Variants in RNASEL observed in about 807,000 individuals in gnomAD.
The protein encoded by RNASEL is 2-5A-dependent ribonuclease.
A neutral mutation model predicts 50.9 loss-of-function variants in RNASEL; 36 were observed. The observed-to-expected ratio is 0.71, with a 90% CI of 0.54 to 0.93. The LOEUF (loss-of-function observed/expected upper bound fraction) is 0.93, where lower values mean the gene tolerates loss of function less well. RNASEL is among the 40% of genes least tolerant of loss of function. The pLI is 0.00. For synonymous variants in RNASEL, 335 were observed against 335.6 expected, an observed-to-expected ratio of 1.00 and a Z score of 0.02; for missense variants, 860 against 894.5, an observed-to-expected ratio of 0.96 and a Z score of 0.49.
At position 182,576,363 on chromosome 1, in the gene RNASEL, C is replaced by A; in HGVS notation, c.1932G>T (p.Met644Ile). 6.3e-7 allele frequency: 1 copy of A among 1,588,054 alleles called. No individual in the cohort carries two copies. The highest frequency in any genetic ancestry group is 8.6e-7 in the Non-Finnish European group (1 of 1,158,306). Residue 644 changes from methionine to isoleucine, a missense_variant, in exon 6 of 7, where the codon ATG becomes ATT. By Grantham distance (10) the Met-to-Ile change is conservative. Transcript: ENST00000367559. The stretch of plus-strand genomic sequence containing the variant: ...TGCCTCTTTTTTCATAAAACTTATT[C>A]ATTTTTTTCATAACACATTCATTAA... ...TKINECVMKK[M>I]NKFYEKRGNF... is the part of the protein sequence containing the mutation.
chr1:182,575,227 CT>C lies in RNASEL; in HGVS notation c.*164del. On this transcript the variant is annotated 3_prime_UTR_variant, in exon 7 of 7. Coordinates refer to ENST00000367559, the MANE Select transcript of RNASEL (RefSeq NM_021133.4). Reference sequence around the variant, plus strand: ...ACTAGTGTAGTCTGGGTATATATTGCTTTTGTTATAGACATATGGAATACAC... The same window carrying C: ...ACTAGTGTAGTCTGGGTATATATTGCTTTGTTATAGACATATGGAATACAC... 1 of 691,808 alleles carries C rather than the reference CT, an allele frequency of 1.4e-6. No individual in the cohort carries two copies. The highest frequency in any genetic ancestry group is 2.6e-6 in the Non-Finnish European group (1 of 389,308). 42.9% of individuals were successfully genotyped at this position (691,808 alleles called of 1,614,324 possible).
At chr1:182,578,191 C>G (rs929367530) in intron 5 of RNASEL, 1 of 152,094 alleles carries the variant, frequency 6.6e-6, no homozygotes, top group Non-Finnish European at 1.5e-5. Flanking sequence ...AGTGAACAAA[C>G]AACCTGCAGC....
At chr1:182,584,017 T>A (rs1055556393) in intron 3 of RNASEL, 64 bp downstream of exon 3, 2 of 1,216,978 alleles carry the variant, frequency 1.6e-6, no homozygotes, top group Non-Finnish European at 2.4e-6. Context: ...TAGAGAACCC[T>A]GACTACTACA....
Position 182,586,276 on chromosome 1 carries a change from T to C in RNASEL, c.531A>G (p.Glu177=). 1 of 1,614,216 alleles carries C rather than the reference T, an allele frequency of 6.2e-7. No individual in the cohort carries two copies. Among genetic ancestry groups the C allele is most frequent in the South Asian group, 1.1e-5 (1 of 91,086 alleles). Residue 177 remains glutamate (E), a synonymous_variant, in exon 2 of 7, where the codon GAA becomes GAG. Transcript: ENST00000367559. Reference sequence around the variant, plus strand: ...TCTTCAAGACCTCTACGTGTCCTTTTTCAGCAGCGTCCATGAGAGCTGTGG... The same window carrying C: ...TCTTCAAGACCTCTACGTGTCCTTTCTCAGCAGCGTCCATGAGAGCTGTGG... ...GGATALMDAA[E]KGHVEVLKIL...
At chr1:182,579,895 T>G in intron 5 of RNASEL, 3 of 479,670 alleles carry the variant, frequency 6.3e-6, no homozygotes, top group Admixed American at 4.7e-5. Flanking sequence ...TGTAGTGGTG[T>G]GGCTTAAGCA....
In RNASEL at chr1:182,576,300, G is replaced by A; in HGVS notation, c.1995C>T (p.Phe665=). The A allele has an allele frequency of 6.2e-7, 1 of 1,612,334 alleles. No homozygotes were observed. Among genetic ancestry groups the A allele is most frequent in the Non-Finnish European group, 8.5e-7 (1 of 1,179,050 alleles). ...CAATGTGTTCTCCCAAATTCCGGAT[G>A]AACTTTAGCAGATCACCCACAGTGT... ...YQNTVGDLLK[F]IRNLGEHIDE... Residue 665 remains phenylalanine, a synonymous_variant, in exon 6 of 7, where the codon TTC becomes TTT. Coordinates refer to ENST00000367559, the MANE Select transcript of RNASEL (RefSeq NM_021133.4).
chr1:182,587,799 G>C (rs898310227), intron 1 of RNASEL, among the ~76,000 whole-genome samples: 11 of 151,992 alleles, frequency 7.2e-5, no homozygotes, highest in Non-Finnish European at 1.3e-4. Flanking sequence ...GTACAACCCT[G>C]TGCCCCTATT....
intron 2 of RNASEL, 55 bp from the exon 3 acceptor site, chr1:182,584,221 A>G (rs1661551166): frequency 3.5e-6 from 4 of 1,127,054 alleles, no homozygotes; most frequent in Non-Finnish European, 5.4e-6. Context: ...ATAAAGTGAG[A>G]GTCAATTGAT....
At chr1:182,576,194 A>C in intron 6 of RNASEL, 62 bp downstream of exon 6, 1 of 1,539,244 alleles carries the variant, frequency 6.5e-7, no homozygotes, top group East Asian at 2.3e-5. Flanking sequence ...TAAACTTAGA[A>C]TTGGATTTTT....
chr1:182,585,365 T>G lies in RNASEL; in HGVS notation c.1442A>C (p.Tyr481Ser). ...TTGTGGTTGCAGATCCTGGTGGGTGTATCCACAGGACAAGTGTAGTTCTTG... is the reference window on the plus strand; with the variant it reads ...TTGTGGTTGCAGATCCTGGTGGGTGGATCCACAGGACAAGTGTAGTTCTTG... ...AVQELHLSCG[Y>S]THQDLQPQNI... Residue 481 changes from tyrosine to serine, a missense_variant, in exon 2 of 7, where the codon TAC (tyrosine) becomes TCC (serine). By Grantham distance (144) the Tyr-to-Ser change is moderately radical. Transcript: ENST00000367559. 6.2e-7 allele frequency: 1 copy of G among 1,614,126 alleles called. No homozygotes were observed. The highest frequency in any genetic ancestry group is 8.5e-7 in the Non-Finnish European group (1 of 1,179,970).
intron 2 of RNASEL, 130 bp downstream of exon 2, chr1:182,585,197 T>C (rs2102369611): frequency 1.1e-6 from 1 of 911,788 alleles, no homozygotes; most frequent in Admixed American, 2.3e-5. Flanking sequence ...ATGAATTTGT[T>C]GTAATAATGA....
intron 3 of RNASEL, among the ~76,000 whole-genome samples, chr1:182,583,403 A>G (rs1216063690): frequency 3.3e-5 from 5 of 152,178 alleles, no homozygotes; most frequent in Non-Finnish European, 5.9e-5. Context: ...AAAGCCTTGA[A>G]CATTCTTTTT....
rs1337684895 is a variant in RNASEL, at chr1:182,576,274, T to A, written c.2021A>T (p.Asp674Val). ...TACTTACTTTTTATGCTTTTCTTCATCAATGTGTTCTCCCAAATTCCGGAT... is the reference window on the plus strand; with the variant it reads ...TACTTACTTTTTATGCTTTTCTTCAACAATGTGTTCTCCCAAATTCCGGAT... ...KFIRNLGEHIDEEKHKKMKLK... is the reference protein window; with the variant it reads ...KFIRNLGEHIVEEKHKKMKLK... Residue 674 changes from aspartate to valine, a missense_variant, in exon 6 of 7, where the codon GAT (aspartate) becomes GTT (valine). Asp to Val is a radical substitution (Grantham distance 152). Transcript: ENST00000367559. 8 of 1,612,040 alleles carry A rather than the reference T, an allele frequency of 5.0e-6. No individual in the cohort carries two copies. The highest frequency in any genetic ancestry group is 6.8e-6 in the Non-Finnish European group (8 of 1,178,798).
intron 4 of RNASEL, 114 bp from the exon 5 acceptor site, chr1:182,581,471 T>G: frequency 1.0e-6 from 1 of 971,228 alleles, no homozygotes; most frequent in South Asian, 1.6e-5. Context: ...TGGTTTTTCT[T>G]TCTTTTTTTT....
intron 5 of RNASEL, among the ~76,000 whole-genome samples, chr1:182,577,554 C>T (rs1036378442): frequency 2.6e-5 from 4 of 151,892 alleles, no homozygotes; most frequent in Non-Finnish European, 4.4e-5. Flanking sequence ...GTGATCACCC[C>T]GCCCAAAGCA....
chr1:182,587,355 A>AT (rs1422240399), intron 1 of RNASEL, among the ~76,000 whole-genome samples: 2 of 152,032 alleles, frequency 1.3e-5, no homozygotes, highest in Admixed American at 1.3e-4. Flanking sequence ...TCATTTCTCT[A>AT]TTACTGAGTG....
At chr1:182,584,227 T>C in intron 2 of RNASEL, 61 bp from the exon 3 acceptor site, 3 of 1,049,050 alleles carry the variant, frequency 2.9e-6, no homozygotes, top group Non-Finnish European at 3.0e-6. Flanking sequence ...TGAGAGTCAA[T>C]TGATTTATAT....
intron 5 of RNASEL, chr1:182,579,265 C>T (rs948748568): frequency 2.0e-6 from 2 of 985,576 alleles, no homozygotes; most frequent in Non-Finnish European, 1.2e-6. Context: ...CTGCAGGTGT[C>T]CCAGGGCAAC....
rs1297724785 is a variant in RNASEL at position 182,574,535 on chromosome 1, G to GT, written c.*856dup. ...AAAGCATCCCAGCCCCTTAAGTCAG[G>GT]TTTTCTCAACCTCAGCACCATTGAT... is the stretch of plus-strand genomic sequence containing the variant. On this transcript the variant is annotated 3_prime_UTR_variant, in exon 7 of 7. Coordinates refer to ENST00000367559, the MANE Select transcript of RNASEL (RefSeq NM_021133.4). The GT allele has an allele frequency of 8.6e-6, 2 of 232,448 alleles. No homozygotes were observed. The highest frequency in any genetic ancestry group is 1.2e-4 in the East Asian group (2 of 16,448). The allele number at this position is 232,448 out of a possible 1,614,324, so 14.4% of individuals were successfully genotyped here.
Sources: gnomAD v4.1 joint callset for allele counts (sites outside exome capture counted in the v4.1 genomes callset) on GRCh38, gnomAD v4.1.1 for gene constraint, MANE v1.5 for transcripts, NCBI Gene and HGNC (gene_info 2026-07-23, HGNC 2026-07-21) for gene names.